Variants in OR1J2 observed in about 807,000 individuals in gnomAD.
OR1J2 encodes olfactory receptor 1J2.
For synonymous variants in OR1J2, 142 were observed against 99.7 expected (o/e 1.42, Z -2.52); for missense variants, 304 against 246.1 (o/e 1.24, Z -1.57).
At chr9:122,540,878 A>G in the OR1J2 span, among the ~76,000 whole-genome samples, 1 of 152,142 alleles carries the variant, frequency 6.6e-6, no homozygotes, top group African/African-American at 2.4e-5. Flanking sequence ...CTTTGAAGCA[A>G]TTGTGAATGG....
the OR1J2 span, among the ~76,000 whole-genome samples, chr9:122,499,553 C>G: frequency 6.6e-6 from 1 of 152,078 alleles, no homozygotes; most frequent in Non-Finnish European, 1.5e-5. Context: ...CTGGATGAAG[C>G]AAGAAGGTGT....
the OR1J2 span, among the ~76,000 whole-genome samples, chr9:122,551,590 C>T: frequency 6.6e-6 from 1 of 152,120 alleles, no homozygotes; most frequent in African/African-American, 2.4e-5. Context: ...AGGTGACCTG[C>T]TAGTCAGGCT....
At chr9:122,527,254 C>T in the OR1J2 span, 5 of 1,612,256 alleles carry the variant, frequency 3.1e-6, no homozygotes, top group Non-Finnish European at 3.4e-6. Context: ...GCTGATATTC[C>T]TCGGAGGAAA....
the OR1J2 span, among the ~76,000 whole-genome samples, chr9:122,577,158 AT>A: frequency 6.6e-6 from 1 of 152,194 alleles, no homozygotes; most frequent in Non-Finnish European, 1.5e-5. Context: ...CATTAAAAAT[AT>A]TTGTTTCTAT....
the OR1J2 span, among the ~76,000 whole-genome samples, chr9:122,452,068 C>T: frequency 1.3e-5 from 2 of 152,120 alleles, no homozygotes; most frequent in African/African-American, 4.8e-5. Context: ...TTAGTAGAGA[C>T]AGGGTTTCAC....
rs762767361 is a variant in OR1J2, at chr9:122,510,994, C to T, written c.193C>T (p.His65Tyr). ...CACCCCCATGTACTTCTTCCTCAGCCACTTGGCTCTCACTGACATCTCCTT... is the reference window on the plus strand; with the variant it reads ...CACCCCCATGTACTTCTTCCTCAGCTACTTGGCTCTCACTGACATCTCCTT... ...LHTPMYFFLS[H>Y]LALTDISFSS... The change falls in exon 1 of 1, where the codon CAC (histidine) becomes TAC (tyrosine). Residue 65 changes from histidine (H) to tyrosine (Y), a missense_variant. Coordinates refer to ENST00000335302, the MANE Select transcript of OR1J2 (RefSeq NM_054107.1). The T allele has an allele frequency of 6.2e-7, 1 of 1,609,276 alleles. No individual in the cohort carries two copies. The highest frequency in any genetic ancestry group is 8.5e-7 in the Non-Finnish European group (1 of 1,175,932).
At chr9:122,470,161 A>T in the OR1J2 span, among the ~76,000 whole-genome samples, 1 of 152,204 alleles carries the variant, frequency 6.6e-6, no homozygotes. Flanking sequence ...CCTTTGTGGC[A>T]GCCTCTGTCA....
the OR1J2 span, among the ~76,000 whole-genome samples, chr9:122,449,161 G>T: frequency 5.3e-5 from 8 of 151,978 alleles, no homozygotes; most frequent in African/African-American, 1.9e-4. Context: ...TACAAATGAT[G>T]GGCACCACAC....
chr9:122,469,323 C>T, the OR1J2 span, among the ~76,000 whole-genome samples: 6 of 152,288 alleles, frequency 3.9e-5, no homozygotes, highest in South Asian at 1.2e-3. Flanking sequence ...ATACCGTTCT[C>T]ATGGTAGTGA....
chr9:122,576,108 T>C, the OR1J2 span, among the ~76,000 whole-genome samples: 1 of 152,252 alleles, frequency 6.6e-6, no homozygotes, highest in Non-Finnish European at 1.5e-5. Context: ...TGAATAAATA[T>C]ACATTGCTCC....
chr9:122,491,537 A>G, the OR1J2 span, among the ~76,000 whole-genome samples: 1 of 152,168 alleles, frequency 6.6e-6, no homozygotes, highest in Non-Finnish European at 1.5e-5. Context: ...TAGCAGAGAA[A>G]TAAAGCCCCC....
the OR1J2 span, chr9:122,572,691 A>C: frequency 6.6e-6 from 1 of 152,092 alleles, no homozygotes; most frequent in Non-Finnish European, 1.5e-5. Flanking sequence ...ATGACTTCTT[A>C]ATTCATGAAA....
At chr9:122,472,732 A>G in the OR1J2 span, among the ~76,000 whole-genome samples, 1 of 152,356 alleles carries the variant, frequency 6.6e-6, no homozygotes, top group African/African-American at 2.4e-5. Context: ...ATAATCTGCA[A>G]TCAGGAGATT....
chr9:122,567,489 G>T, the OR1J2 span: 1 of 1,300,710 alleles, frequency 7.7e-7, no homozygotes, highest in Non-Finnish European at 1.1e-6. Flanking sequence ...CCAGAAACCA[G>T]TAGAAAACAC....
the OR1J2 span, chr9:122,526,526 G>A: frequency 3.1e-6 from 5 of 1,602,892 alleles, no homozygotes; most frequent in Non-Finnish European, 1.7e-6. Flanking sequence ...GACACAGGTA[G>A]GCACTGAAGA....
At chr9:122,489,120 C>T in the OR1J2 span, among the ~76,000 whole-genome samples, 8 of 151,710 alleles carry the variant, frequency 5.3e-5, no homozygotes, top group South Asian at 4.2e-4. Flanking sequence ...TCGACAAAAC[C>T]GTCCACATCA....
At chr9:122,572,918 A>G in the OR1J2 span, 2 of 152,228 alleles carry the variant, frequency 1.3e-5, no homozygotes, top group Non-Finnish European at 2.9e-5. Context: ...ACTAATTAGC[A>G]AGGAGGGAAG....
chr9:122,579,126 A>G, the OR1J2 span, among the ~76,000 whole-genome samples: 4 of 152,094 alleles, frequency 2.6e-5, no homozygotes, highest in African/African-American at 9.7e-5. Context: ...AGAGAAACAG[A>G]AATCATCCAA....
chr9:122,507,471 G>A (rs117295875), upstream of OR1J2, among the ~76,000 whole-genome samples: 267 of 152,266 alleles, frequency 1.8e-3, 1 homozygote, highest in Middle Eastern at 3.4e-3. Context: ...CTACACCAAG[G>A]CATTGCATTC....
Sources: gnomAD v4.1 joint callset for allele counts (sites outside exome capture counted in the v4.1 genomes callset) on GRCh38, gnomAD v4.1.1 for gene constraint, MANE v1.5 for transcripts, NCBI Gene and HGNC (gene_info 2026-07-23, HGNC 2026-07-21) for gene names.